Variants in GOPC observed in about 807,000 individuals in gnomAD.
The protein encoded by GOPC is golgi associated PDZ and coiled-coil motif containing.
A neutral mutation model predicts 51.2 loss-of-function variants in GOPC; 32 were observed. The ratio of observed to expected loss-of-function variants is 0.63; its 90% confidence interval spans 0.47 to 0.84. The LOEUF is 0.84. Among genes scored for constraint, GOPC ranks in the 40% least tolerant of loss-of-function variants. GOPC has a pLI of 0.00. For missense variants in GOPC, 441 were observed against 555.5 expected (o/e 0.79, Z 2.07); for synonymous variants, 190 against 205.1 (o/e 0.93, Z 0.63).
rs1772024147 is a variant in GOPC at position 117,602,073 on chromosome 6, G to A, written c.216C>T (p.Ser72=). 1 of 1,614,154 alleles carries A rather than the reference G, an allele frequency of 6.2e-7. No homozygotes were observed. Among genetic ancestry groups the A allele is most frequent in the Non-Finnish European group, 8.5e-7 (1 of 1,180,028 alleles). Residue 72 remains serine, a synonymous_variant, in exon 1 of 9, where the codon AGC becomes AGT. Coordinates refer to ENST00000368498, the MANE Select transcript of GOPC (RefSeq NM_020399.4). ...AAAGCTGTGCAAAGCAGGAGCTCAG[G>A]CTGGTCATCTTCTGTCGCCCCTCAT... ...ITYEGRQKMT[S]LSSCFAQLCH...
chr6:117,601,532 CTAAA>C (rs1371375966), intron 1 of GOPC, among the ~76,000 whole-genome samples: 1 of 152,124 alleles, frequency 6.6e-6, no homozygotes, highest in African/African-American at 2.4e-5. Context: ...TCAGATTCCC[CTAAA>C]TAGTTTATGC....
rs1383181177 is a variant in GOPC at position 117,574,474 on chromosome 6, CG to C, written c.650+702del. On this transcript the variant is annotated intron_variant, in intron 4 of 8. Coordinates refer to ENST00000368498, the MANE Select transcript of GOPC (RefSeq NM_020399.4). The stretch of plus-strand genomic sequence containing the variant: ...CATTGTCATTAACTAAATACCAACA[CG>C]TTTTTTTGAAGGGCAAGAAAGACTG... 2.6e-5 allele frequency among the ~76,000 whole-genome samples: 4 copies of C among 152,156 alleles called. No individual in the cohort carries two copies. In the East Asian group the frequency reaches 5.8e-4, roughly 22 times the overall value.
chr6:117,594,721 T>C (rs974631084), intron 1 of GOPC, among the ~76,000 whole-genome samples: 2 of 152,152 alleles, frequency 1.3e-5, no homozygotes, highest in African/African-American at 2.4e-5. Flanking sequence ...TGGCTCTAGA[T>C]CAAAGTTAAA....
intron 1 of GOPC, among the ~76,000 whole-genome samples, chr6:117,579,946 C>T (rs1779934984): frequency 1.3e-5 from 2 of 152,098 alleles, no homozygotes; most frequent in South Asian, 4.1e-4. Flanking sequence ...TGTGGACCAA[C>T]TAAAATAATG....
At chr6:117,565,921 G>A (rs1336762397) in intron 8 of GOPC, among the ~76,000 whole-genome samples, 1 of 152,136 alleles carries the variant, frequency 6.6e-6, no homozygotes, top group Non-Finnish European at 1.5e-5. Context: ...TTTGTTCAGT[G>A]TGCAGAGTAA....
Position 117,562,002 on chromosome 6 carries a change from C to G in GOPC, c.*1252G>C, listed in dbSNP as rs1212274824. The G allele has an allele frequency of 4.8e-6, 1 of 206,378 alleles. No individual in the cohort carries two copies. Among genetic ancestry groups the G allele is most frequent in the African/African-American group, 2.3e-5 (1 of 43,886 alleles). 12.8% of individuals were successfully genotyped at this position (206,378 alleles called of 1,614,324 possible). ...TGTAGGCTTTCTCCCACTTAATATT[C>G]CTTTAACTGTACGTCCTTTAAAACA... On this transcript the variant is annotated 3_prime_UTR_variant, in exon 9 of 9. Transcript: ENST00000368498.
rs559574155 is a variant in GOPC at position 117,582,768 on chromosome 6, G to A, written c.286-3704C>T. ...TCATGGATGAAGGATGGTCAATGCAGAGAATTTTATTGAGTGAATGAAAGT... is the reference window on the plus strand; with the variant it reads ...TCATGGATGAAGGATGGTCAATGCAAAGAATTTTATTGAGTGAATGAAAGT... On this transcript the variant is annotated intron_variant, in intron 1 of 8. Transcript: ENST00000368498. Among the ~76,000 whole-genome samples the A allele has an allele frequency of 9.9e-4, 149 of 149,786 alleles. 1 individual carries two copies. The highest frequency in any genetic ancestry group is 3.0e-3 in the Admixed American group (45 of 15,098).
At chr6:117,588,672 A>G (rs1780068722) in intron 1 of GOPC, among the ~76,000 whole-genome samples, 1 of 152,062 alleles carries the variant, frequency 6.6e-6, no homozygotes, top group African/African-American at 2.4e-5. Context: ...ATTTAAAATC[A>G]TTTATATTAA....
At chr6:117,583,042 GC>G (rs981719243) in intron 1 of GOPC, among the ~76,000 whole-genome samples, 45 of 152,216 alleles carry the variant, frequency 3.0e-4, no homozygotes, top group African/African-American at 9.6e-4. Context: ...CCTGGATGCT[GC>G]CACAGGGCCT....
chr6:117,591,280 A>T (rs1013920790), intron 1 of GOPC, among the ~76,000 whole-genome samples: 3 of 152,246 alleles, frequency 2.0e-5, no homozygotes, highest in African/African-American at 7.2e-5. Flanking sequence ...GAATACAAAA[A>T]ACAAACAAAA....
chr6:117,577,363 T>G, intron 3 of GOPC, 85 bp downstream of exon 3: 1 of 1,233,810 alleles, frequency 8.1e-7, no homozygotes, highest in Non-Finnish European at 1.1e-6. Context: ...TCAAATACAA[T>G]GAGTGACAAC....
intron 2 of GOPC, among the ~76,000 whole-genome samples, chr6:117,577,849 T>G (rs1218350266): frequency 6.6e-6 from 1 of 152,086 alleles, no homozygotes; most frequent in Non-Finnish European, 1.5e-5. Context: ...CTAACACAGA[T>G]TCACAGAGTT....
Position 117,561,693 on chromosome 6 carries a change from A to G in GOPC, c.*1561T>C, listed in dbSNP as rs1396853896. 1 of 204,790 alleles carries G rather than the reference A, an allele frequency of 4.9e-6. No individual in the cohort carries two copies. Among genetic ancestry groups the G allele is most frequent in the African/African-American group, 2.3e-5 (1 of 43,798 alleles). The allele number at this position is 204,790 out of a possible 1,614,324, so 12.7% of individuals were successfully genotyped here. ...AGCTTTTGCTCAGAGACAATGCTAT[A>G]AAGTATTTTAATGTCAGTAACAATA... On this transcript the variant is annotated 3_prime_UTR_variant, in exon 9 of 9. Transcript: ENST00000368498.
Position 117,562,980 on chromosome 6 carries a change from G to C in GOPC, c.*274C>G. The C allele has an allele frequency of 2.7e-6, 1 of 376,214 alleles. No individual in the cohort carries two copies. The allele number at this position is 376,214 out of a possible 1,614,324, so 23.3% of individuals were successfully genotyped here. ...CAGTAGGGTTTCATTTGGTACTTAA[G>C]AGCCCAGTAATACCCCTTTGGGAAA... On this transcript the variant is annotated 3_prime_UTR_variant, in exon 9 of 9. Coordinates refer to ENST00000368498, the MANE Select transcript of GOPC (RefSeq NM_020399.4).
At position 117,569,584 on chromosome 6, in the gene GOPC, A is replaced by G; in HGVS notation, c.1065T>C (p.Ile355=). ...RDTKHKEAVT[I]LSQQRGEIEF... ...GAAGGGAATTTACCTGCTGAGAAAG[A>G]ATAGTTACAGCTTCTTTATGCTTTG... The change falls in exon 7 of 9, where the codon ATT becomes ATC. Residue 355 remains isoleucine, a synonymous_variant. Coordinates refer to ENST00000368498, the MANE Select transcript of GOPC (RefSeq NM_020399.4). 1.2e-6 allele frequency: 2 copies of G among 1,612,948 alleles called. No homozygotes were observed. The highest frequency in any genetic ancestry group is 1.7e-6 in the Non-Finnish European group (2 of 1,179,576).
At chr6:117,589,738 C>A (rs1273269886) in intron 1 of GOPC, among the ~76,000 whole-genome samples, 1 of 152,094 alleles carries the variant, frequency 6.6e-6, no homozygotes, top group Non-Finnish European at 1.5e-5. Context: ...TTGCCGTAAA[C>A]CTCAAATGAA....
Position 117,602,494 on chromosome 6 carries a change from G to A in GOPC, c.-206C>T, listed in dbSNP as rs1003083068. On this transcript the variant is annotated 5_prime_UTR_variant, in exon 1 of 9. Transcript: ENST00000368498. ...GAGGCGGCAACGGCGGCGACACACG[G>A]AAGACTCAGTCAGTCCCACCTCCCA... 6 of 592,722 alleles carry A rather than the reference G, an allele frequency of 1.0e-5. No homozygotes were observed. Among genetic ancestry groups the A allele is most frequent in the Non-Finnish European group, 1.8e-5 (6 of 334,694 alleles). 36.7% of individuals were successfully genotyped at this position (592,722 alleles called of 1,614,324 possible).
chr6:117,591,287 A>T (rs1447713259), intron 1 of GOPC, among the ~76,000 whole-genome samples: 1 of 152,246 alleles, frequency 6.6e-6, no homozygotes, highest in Non-Finnish European at 1.5e-5. Flanking sequence ...AAAAACAAAC[A>T]AAAAGCTCCT....
intron 3 of GOPC, 109 bp downstream of exon 3, chr6:117,577,339 T>G: frequency 9.9e-7 from 1 of 1,013,152 alleles, no homozygotes; most frequent in Non-Finnish European, 1.5e-6. Flanking sequence ...AAATTGCCAT[T>G]ATTAATGCTA....
Sources: allele counts gnomAD v4.1 joint callset (sites outside exome capture counted in the v4.1 genomes callset), GRCh38; gene constraint gnomAD v4.1.1; transcripts MANE v1.5; gene names NCBI Gene and HGNC (gene_info 2026-07-23, HGNC 2026-07-21).